Variants in MDGA2 observed in about 807,000 individuals in gnomAD.
MDGA2 encodes MAM domain containing glycosylphosphatidylinositol anchor 2.
A neutral mutation model predicts 117.8 loss-of-function variants in MDGA2; 40 were observed. That is an observed-to-expected ratio of 0.34 (90% CI 0.26 to 0.44). MDGA2 has a LOEUF of 0.44. Among genes scored for constraint, MDGA2 ranks in the 20% least tolerant of loss-of-function variants. The pLI is 1.00. For missense variants in MDGA2, 1,123 were observed against 1,250.6 expected (o/e 0.90, Z 1.54); for synonymous variants, 452 against 439.0 (o/e 1.03, Z -0.37).
At chr14:46,987,851 T>C (rs1886919408) in intron 8 of MDGA2, among the ~76,000 whole-genome samples, 1 of 149,604 alleles carries the variant, frequency 6.7e-6, no homozygotes, top group Non-Finnish European at 1.5e-5. Flanking sequence ...ACATCTTCCT[T>C]ACTAATAAAC....
intron 1 of MDGA2, among the ~76,000 whole-genome samples, chr14:47,667,277 C>A (rs1242589493): frequency 1.3e-5 from 2 of 152,188 alleles, no homozygotes; most frequent in African/African-American, 4.8e-5. Flanking sequence ...TTCTTGCCTT[C>A]CTAGTAAGCA....
chr14:47,541,771 A>G (rs772379419), intron 1 of MDGA2, among the ~76,000 whole-genome samples: 35 of 152,174 alleles, frequency 2.3e-4, no homozygotes, highest in Admixed American at 2.2e-3. Context: ...AAACCACTCC[A>G]TTTTATCCTC....
intron 9 of MDGA2, among the ~76,000 whole-genome samples, chr14:46,925,705 A>C (rs1001486581): frequency 6.6e-6 from 1 of 152,002 alleles, no homozygotes; most frequent in Non-Finnish European, 1.5e-5. Flanking sequence ...ACAATAGAAA[A>C]ATATAAACGA....
intron 9 of MDGA2, among the ~76,000 whole-genome samples, chr14:46,927,142 T>C (rs573020368): frequency 6.6e-6 from 1 of 152,294 alleles, no homozygotes; most frequent in African/African-American, 2.4e-5. Flanking sequence ...TATAAAAGTA[T>C]GTGTCATGAA....
intron 6 of MDGA2, among the ~76,000 whole-genome samples, chr14:47,064,196 G>A (rs1954244): frequency 0.93 from 141,621 of 152,036 alleles, 66,026 homozygotes; most frequent in East Asian, 1. Flanking sequence ...GCTTTTAAGA[G>A]TGAACTCATA....
At chr14:47,056,137 T>C (rs1889667762) in intron 7 of MDGA2, among the ~76,000 whole-genome samples, 2 of 152,148 alleles carry the variant, frequency 1.3e-5, no homozygotes, top group Non-Finnish European at 2.9e-5. Context: ...TCAGTTTTAA[T>C]CAGCAGAATT....
intron 7 of MDGA2, among the ~76,000 whole-genome samples, chr14:47,052,279 G>C (rs1166103590): frequency 4.0e-5 from 6 of 151,366 alleles, no homozygotes; most frequent in African/African-American, 1.2e-4. Flanking sequence ...ATTTCTCTTT[G>C]ATCTGCTCTT....
intron 1 of MDGA2, among the ~76,000 whole-genome samples, chr14:47,481,113 C>G (rs1893945899): frequency 6.6e-6 from 1 of 151,930 alleles, no homozygotes; most frequent in Non-Finnish European, 1.5e-5. Context: ...TTAACCAGAT[C>G]CAGTTCTTGC....
At chr14:47,244,663 G>C (rs745777895) in intron 2 of MDGA2, among the ~76,000 whole-genome samples, 1 of 151,702 alleles carries the variant, frequency 6.6e-6, no homozygotes, top group Non-Finnish European at 1.5e-5. Context: ...CAAACATATT[G>C]TTGTCTAGGT....
intron 1 of MDGA2, among the ~76,000 whole-genome samples, chr14:47,349,697 C>A (rs111278014): frequency 4.1e-4 from 63 of 152,292 alleles, no homozygotes; most frequent in African/African-American, 1.5e-3. Flanking sequence ...ATCTTACCTT[C>A]TAATAATAGA....
At chr14:47,250,669 C>T (rs1330208799) in intron 2 of MDGA2, among the ~76,000 whole-genome samples, 2 of 152,302 alleles carry the variant, frequency 1.3e-5, no homozygotes, top group African/African-American at 4.8e-5. Flanking sequence ...GCCTCCGGCA[C>T]TGTGAGAAAT....
intron 1 of MDGA2, among the ~76,000 whole-genome samples, chr14:47,626,757 G>C (rs186163857): frequency 6.6e-6 from 1 of 152,188 alleles, no homozygotes; most frequent in Non-Finnish European, 1.5e-5. Context: ...CAGCGAGGCA[G>C]GGCTCGGGAC....
chr14:47,330,831 T>C (rs565883924), intron 1 of MDGA2, among the ~76,000 whole-genome samples: 4 of 152,076 alleles, frequency 2.6e-5, no homozygotes, highest in South Asian at 4.1e-4. Context: ...AAGAATCCAT[T>C]TAAACAGCTG....
intron 9 of MDGA2, among the ~76,000 whole-genome samples, chr14:46,950,323 T>A (rs1885326208): frequency 6.6e-6 from 1 of 151,902 alleles, no homozygotes; most frequent in African/African-American, 2.4e-5. Flanking sequence ...AAAAAGAGTT[T>A]GAACTATGTT....
chr14:47,096,808 G>C (rs1328140144), intron 6 of MDGA2, 46 bp downstream of exon 6: 6 of 1,589,954 alleles, frequency 3.8e-6, no homozygotes, highest in Non-Finnish European at 3.4e-6. Context: ...CTTTTTGAGA[G>C]CCTAACCTAG....
chr14:46,873,987 T>C, intron 13 of MDGA2, 58 bp downstream of exon 13: 1 of 1,321,858 alleles, frequency 7.6e-7, no homozygotes, highest in Non-Finnish European at 1.0e-6. Flanking sequence ...ATTTCATATT[T>C]ATAGCAGTTT....
rs573983137 is a variant in MDGA2 at position 46,958,461 on chromosome 14, T to C, written c.1820-818A>G. 3.0e-4 allele frequency among the ~76,000 whole-genome samples: 46 copies of C among 152,282 alleles called. No individual in the cohort carries two copies. The South Asian group carries it at 4.6e-3, about 15-fold the overall frequency. On this transcript the variant is annotated intron_variant, in intron 8 of 16. Transcript: ENST00000399232. ...CTAAAATTTTTAAATAAAGGATTTA[T>C]ATGATCAAATAATTTTTTTCTTTGG... is the stretch of plus-strand genomic sequence containing the variant.
chr14:46,841,979 C>A lies in MDGA2; in HGVS notation c.3030G>T (p.Trp1010Cys). ...DGAVGILVHIWLFPIIVLISI... is the reference protein window; with the variant it reads ...DGAVGILVHICLFPIIVLISI... ...AGATGAGGACGATAATGGGAAAAAG[C>A]CATATATGAACCAAAATCCCAACAG... The change falls in exon 17 of 17, where the codon TGG becomes TGT. Residue 1010 changes from tryptophan (W) to cysteine (C), a missense_variant. By Grantham distance (215) the Trp-to-Cys change is radical. Around this residue, in one of 2 missense-constraint regions of MDGA2, gnomAD observed 890 missense variants for 1,050.3 expected, o/e 0.85. Transcript: ENST00000399232. 2 of 1,611,980 alleles carry A rather than the reference C, an allele frequency of 1.2e-6. No individual in the cohort carries two copies. The highest frequency in any genetic ancestry group is 1.7e-6 in the Non-Finnish European group (2 of 1,178,812).
At chr14:46,944,674 A>G (rs1015134413) in intron 9 of MDGA2, among the ~76,000 whole-genome samples, 14 of 151,692 alleles carry the variant, frequency 9.2e-5, no homozygotes, top group African/African-American at 3.4e-4. Flanking sequence ...AGCTCTTTCA[A>G]TTTGTTTTCA....
Sources: gnomAD v4.1 joint callset for allele counts (sites outside exome capture counted in the v4.1 genomes callset) on GRCh38, gnomAD v4.1.1 for gene constraint, gnomAD v4.1.1 regional missense constraint, MANE v1.5 for transcripts, NCBI Gene and HGNC (gene_info 2026-07-23, HGNC 2026-07-21) for gene names.